Variants in STYXL1 observed in about 807,000 individuals in gnomAD.
STYXL1 encodes the protein serine/threonine/tyrosine-interacting-like protein 1.
A neutral mutation model predicts 36.4 loss-of-function variants in STYXL1; 32 were observed. The observed-to-expected ratio is 0.88, with a 90% CI of 0.66 to 1.18. The LOEUF (loss-of-function observed/expected upper bound fraction) is 1.18, where lower values mean the gene tolerates loss of function less well. STYXL1 is among the 50% of genes most tolerant of loss of function. STYXL1 has a pLI of 0.00. For synonymous variants in STYXL1, 133 were observed against 144.1 expected (o/e 0.92, Z 0.55); for missense variants, 354 against 394.1 (o/e 0.90, Z 0.86).
chr7:76,019,892 G>A (rs939032187), intron 4 of STYXL1, among the ~76,000 whole-genome samples: 1 of 143,536 alleles, frequency 7.0e-6, no homozygotes, highest in African/African-American at 2.6e-5. Flanking sequence ...CCAAGAGTTC[G>A]AGACCAGCCT....
chr7:76,018,930 T>C (rs1793715895), intron 4 of STYXL1, among the ~76,000 whole-genome samples: 1 of 152,244 alleles, frequency 6.6e-6, no homozygotes, highest in Non-Finnish European at 1.5e-5. Flanking sequence ...ACCATTTTAC[T>C]TTCTGGTTCG....
intron 5 of STYXL1, among the ~76,000 whole-genome samples, chr7:76,011,038 G>C (rs1454787889): frequency 6.6e-6 from 1 of 152,128 alleles, no homozygotes; most frequent in Non-Finnish European, 1.5e-5. Context: ...AACATAGCAA[G>C]ACCCTGTATC....
intron 3 of STYXL1, among the ~76,000 whole-genome samples, chr7:76,027,405 C>G (rs1226731298): frequency 6.6e-6 from 1 of 151,822 alleles, no homozygotes; most frequent in Non-Finnish European, 1.5e-5. Flanking sequence ...GGTTTATTGT[C>G]TGTTTGCTAA....
At chr7:76,018,562 T>G (rs996565443) in intron 4 of STYXL1, among the ~76,000 whole-genome samples, 1 of 152,162 alleles carries the variant, frequency 6.6e-6, no homozygotes. Flanking sequence ...AGCTAATTTT[T>G]GTATTTTTAA....
intron 5 of STYXL1, among the ~76,000 whole-genome samples, chr7:76,011,208 T>G (rs1038374261): frequency 6.6e-6 from 1 of 152,186 alleles, no homozygotes; most frequent in Non-Finnish European, 1.5e-5. Context: ...AGTGAGACCC[T>G]GTCTCTAAAA....
At chr7:76,032,348 G>C (rs968592735) in intron 1 of STYXL1, among the ~76,000 whole-genome samples, 1 of 149,352 alleles carries the variant, frequency 6.7e-6, no homozygotes, top group African/African-American at 2.5e-5. Flanking sequence ...GCAGTAAGCC[G>C]TGATCACACC....
intron 3 of STYXL1, among the ~76,000 whole-genome samples, chr7:76,026,051 G>A (rs1794666402): frequency 6.6e-6 from 1 of 151,050 alleles, no homozygotes; most frequent in Admixed American, 6.6e-5. Flanking sequence ...AATTAGCCAG[G>A]CATGGTGGCG....
chr7:76,046,280 G>C (rs1327203673), intron 1 of STYXL1, among the ~76,000 whole-genome samples: 5 of 15,732 alleles, frequency 3.2e-4, no homozygotes, highest in African/African-American at 1.0e-3. Flanking sequence ...TCTGCTGTGT[G>C]TGTGTGTGTG....
At chr7:76,043,421 G>C (rs539437940) in intron 1 of STYXL1, among the ~76,000 whole-genome samples, 1 of 152,226 alleles carries the variant, frequency 6.6e-6, no homozygotes, top group African/African-American at 2.4e-5. Flanking sequence ...GATTACAGGC[G>C]TGAGTCACCG....
intron 1 of STYXL1, among the ~76,000 whole-genome samples, chr7:76,041,154 T>C (rs1796439602): frequency 7.0e-6 from 1 of 143,372 alleles, no homozygotes; most frequent in Non-Finnish European, 1.5e-5. Context: ...CTGAGCAATA[T>C]AGTGAGAACC....
chr7:76,032,666 C>A (rs1484120236), intron 1 of STYXL1, among the ~76,000 whole-genome samples: 3 of 152,136 alleles, frequency 2.0e-5, no homozygotes, highest in Non-Finnish European at 4.4e-5. Context: ...TGCACTACTG[C>A]ACTCCAGCCT....
rs528469396 is a variant in STYXL1 at position 76,042,390 on chromosome 7, CTTTTTTTTT to C, written c.-5+5263_-5+5271del. On this transcript the variant is annotated intron_variant, in intron 1 of 8. Coordinates refer to ENST00000359697, the MANE Select transcript of STYXL1 (RefSeq NM_001317785.2). ...ACTGCTCCCTGGGTGCCCTTATGTGCTTTTTTTTTTTTTTTTTTTTTTTTTTTTTTTTAA... is the reference window on the plus strand; with the variant it reads ...ACTGCTCCCTGGGTGCCCTTATGTGCTTTTTTTTTTTTTTTTTTTTTTTAA... 1.6e-3 allele frequency among the ~76,000 whole-genome samples: 67 copies of C among 41,834 alleles called. 1 individual carries two copies. The East Asian group carries it at 0.02, about 13-fold the overall frequency. The allele number at this position is 41,834 out of a possible 152,430, so 27.4% of individuals were successfully genotyped here. A position where few individuals can be genotyped will look rare whatever the true frequency, so the allele number is the denominator to read the frequency against.
intron 1 of STYXL1, among the ~76,000 whole-genome samples, chr7:76,039,791 G>A (rs1554581743): frequency 6.6e-6 from 1 of 152,134 alleles, no homozygotes; most frequent in Non-Finnish European, 1.5e-5. Context: ...AGGACTACAG[G>A]CATGCACCAC....
intron 3 of STYXL1, among the ~76,000 whole-genome samples, chr7:76,026,191 CCAAAAAAAAAAA>C (rs1163141693): frequency 1.4e-3 from 12 of 8,570 alleles, no homozygotes; most frequent in African/African-American, 2.6e-3. Context: ...GACTCTGTCT[CCAAAAAAAAAAA>C]AAAAAAAAAA....
intron 1 of STYXL1, among the ~76,000 whole-genome samples, chr7:76,042,718 T>C (rs944270829): frequency 1.2e-4 from 19 of 152,056 alleles, no homozygotes; most frequent in African/African-American, 4.6e-4. Flanking sequence ...TTATGTGCTT[T>C]TCTCCACAGT....
intron 1 of STYXL1, among the ~76,000 whole-genome samples, chr7:76,047,366 A>T (rs1797268419): frequency 6.6e-6 from 1 of 152,234 alleles, no homozygotes; most frequent in Non-Finnish European, 1.5e-5. Context: ...CCTCAGCCAC[A>T]GTGTCTTTAT....
intron 4 of STYXL1, among the ~76,000 whole-genome samples, chr7:76,014,227 G>A (rs1055026888): frequency 1.2e-4 from 18 of 151,916 alleles, no homozygotes; most frequent in African/African-American, 3.6e-4. Flanking sequence ...CTTCAGCCTC[G>A]GCCTCCCAAA....
chr7:76,034,484 C>A (rs543682114), intron 1 of STYXL1, among the ~76,000 whole-genome samples: 1 of 152,210 alleles, frequency 6.6e-6, no homozygotes, highest in Non-Finnish European at 1.5e-5. Context: ...ACACTCTCCC[C>A]TCCCAAGAAA....
At chr7:76,009,258 T>G (rs1554571467) in intron 5 of STYXL1, among the ~76,000 whole-genome samples, 1 of 144,776 alleles carries the variant, frequency 6.9e-6, no homozygotes, top group Non-Finnish European at 1.5e-5. Flanking sequence ...CAAAACCACC[T>G]CCTTCTTCCC....
Sources: allele counts gnomAD v4.1 joint callset (sites outside exome capture counted in the v4.1 genomes callset), GRCh38; gene constraint gnomAD v4.1.1; transcripts MANE v1.5; gene names NCBI Gene and HGNC (gene_info 2026-07-23, HGNC 2026-07-21).